MMS22L: variants seen among roughly 807,000 people sequenced by gnomAD.
MMS22L encodes the protein protein MMS22-like.
In MMS22L, 74 loss-of-function variants were observed where a neutral mutation model predicts 159.1. That is an observed-to-expected ratio of 0.47 (90% CI 0.39 to 0.56). The LOEUF is 0.56. MMS22L is among the 20% of genes least tolerant of loss of function. The probability of loss-of-function intolerance (pLI) is 0.00; values close to 1 mark genes in which losing one functional copy is unlikely to be tolerated. For synonymous variants in MMS22L, 517 were observed against 506.9 expected (o/e 1.02, Z -0.27); for missense variants, 1,351 against 1,422.1 (o/e 0.95, Z 0.80).
At chr6:97,160,206 T>G (rs1802298645) in intron 22 of MMS22L, among the ~76,000 whole-genome samples, 1 of 152,026 alleles carries the variant, frequency 6.6e-6, no homozygotes, top group Admixed American at 6.6e-5. Flanking sequence ...AGAATTCTTT[T>G]GTGTGTTATG....
chr6:97,217,493 G>A (rs1809148185), intron 14 of MMS22L, among the ~76,000 whole-genome samples: 1 of 152,112 alleles, frequency 6.6e-6, no homozygotes, highest in Non-Finnish European at 1.5e-5. Context: ...GACCTCAGGT[G>A]ATCTGCCTGC....
intron 14 of MMS22L, among the ~76,000 whole-genome samples, chr6:97,189,759 C>T (rs1403747728): frequency 6.6e-6 from 1 of 151,944 alleles, no homozygotes; most frequent in African/African-American, 2.4e-5. Flanking sequence ...ATTTGAAAAG[C>T]AGCTAATATC....
intron 11 of MMS22L, among the ~76,000 whole-genome samples, chr6:97,238,572 CGTGTGTGTGT>C (rs71740630): frequency 6.6e-5 from 6 of 91,536 alleles, no homozygotes; most frequent in Non-Finnish European, 1.4e-4. Context: ...TGTCTCATCT[CGTGTGTGTGT>C]GTGTGTGTGT....
rs1447468395 is a variant in MMS22L, at chr6:97,244,447, G to GGGA, written c.1182+2180_1182+2181insTCC. Among the ~76,000 whole-genome samples the GGGA allele has an allele frequency of 2.6e-5, 4 of 152,284 alleles. No individual in the cohort carries two copies. In the East Asian group the frequency reaches 7.7e-4, roughly 29 times the overall value. ...ATTGATCCTGGGTGTGTCTGTGAGG[G>GGGA]TGCTGCCAAAGCAGATTAACATTTG... On this transcript the variant is annotated intron_variant, in intron 11 of 24. Transcript: ENST00000683635.
chr6:97,165,182 C>T, intron 21 of MMS22L, 64 bp downstream of exon 21: 1 of 1,459,796 alleles, frequency 6.9e-7, no homozygotes, highest in East Asian at 2.3e-5. Flanking sequence ...TGAAATGCCA[C>T]TTTATCACTT....
intron 14 of MMS22L, among the ~76,000 whole-genome samples, chr6:97,205,323 T>C (rs1363541066): frequency 6.6e-6 from 1 of 152,086 alleles, no homozygotes; most frequent in East Asian, 1.9e-4. Flanking sequence ...TGCCTACAGA[T>C]GCAATGTCTA....
At chr6:97,207,711 G>A (rs948689889) in intron 14 of MMS22L, among the ~76,000 whole-genome samples, 1 of 152,142 alleles carries the variant, frequency 6.6e-6, no homozygotes, top group African/African-American at 2.4e-5. Flanking sequence ...CTTAACTGAA[G>A]AGACAACAAA....
chr6:97,276,478 T>A (rs963378940), intron 4 of MMS22L, among the ~76,000 whole-genome samples: 5 of 152,164 alleles, frequency 3.3e-5, no homozygotes, highest in African/African-American at 1.2e-4. Flanking sequence ...TCCACTATAA[T>A]CTTTTAGTGG....
chr6:97,232,635 C>T (rs1287261695), intron 12 of MMS22L, among the ~76,000 whole-genome samples: 1 of 152,002 alleles, frequency 6.6e-6, no homozygotes, highest in African/African-American at 2.4e-5. Context: ...AATTTGATAC[C>T]TTTCCTGCTT....
intron 14 of MMS22L, among the ~76,000 whole-genome samples, chr6:97,213,645 T>G (rs570338376): frequency 2.9e-4 from 44 of 152,276 alleles, no homozygotes; most frequent in Admixed American, 2.3e-3. Flanking sequence ...TTTACATTCT[T>G]TGCAAGATAC....
intron 9 of MMS22L, 58 bp from the exon 10 acceptor site, chr6:97,254,791 G>A (rs368301884): frequency 2.9e-6 from 4 of 1,391,246 alleles, no homozygotes; most frequent in Non-Finnish European, 3.8e-6. Flanking sequence ...CTTTGATTTC[G>A]TGGTTTTTCT....
chr6:97,171,475 T>C (rs1477879651), intron 19 of MMS22L, among the ~76,000 whole-genome samples: 2 of 152,112 alleles, frequency 1.3e-5, no homozygotes, highest in Non-Finnish European at 1.5e-5. Flanking sequence ...ACAGGGATGA[T>C]TGAAAGCTTT....
intron 14 of MMS22L, among the ~76,000 whole-genome samples, chr6:97,211,795 A>G (rs1359143737): frequency 6.6e-6 from 1 of 152,168 alleles, no homozygotes; most frequent in Non-Finnish European, 1.5e-5. Context: ...AAGACCTTAA[A>G]TATGTGTACA....
rs1380560840 is a variant in MMS22L at position 97,142,331 on chromosome 6, G to A, written c.*4475C>T. The A allele has an allele frequency of 3.9e-5, 6 of 152,338 alleles. No homozygotes were observed. The highest frequency in any genetic ancestry group is 1.4e-4 in the African/African-American group (6 of 41,404). The allele number at this position is 152,338 out of a possible 1,614,324, so 9.4% of individuals were successfully genotyped here. ...CAAAAATTTTAATAAGTATAAACTG[G>A]TCAATTCCAACCATTTGGTAATTTA... On this transcript the variant is annotated 3_prime_UTR_variant, in exon 25 of 25. Transcript: ENST00000683635.
At chr6:97,157,611 T>C (rs1349316655) in intron 22 of MMS22L, among the ~76,000 whole-genome samples, 1 of 152,184 alleles carries the variant, frequency 6.6e-6, no homozygotes, top group Non-Finnish European at 1.5e-5. Context: ...GTTTATGTGA[T>C]GGATTATGTT....
chr6:97,172,067 A>G (rs987747807), intron 19 of MMS22L, among the ~76,000 whole-genome samples: 1 of 152,214 alleles, frequency 6.6e-6, no homozygotes, highest in South Asian at 2.1e-4. Context: ...TCCCATGTCT[A>G]TATCAGACAT....
intron 10 of MMS22L, among the ~76,000 whole-genome samples, chr6:97,250,791 A>C (rs531963707): frequency 1.4e-4 from 22 of 152,278 alleles, no homozygotes; most frequent in Middle Eastern, 3.4e-3. Context: ...ACGTTTAAAA[A>C]CTGAAACATC....
intron 15 of MMS22L, among the ~76,000 whole-genome samples, chr6:97,183,180 A>G (rs1319567097): frequency 1.3e-5 from 2 of 151,996 alleles, no homozygotes; most frequent in African/African-American, 4.8e-5. Context: ...CAACTCCAAC[A>G]ATTCTTTGAT....
intron 9 of MMS22L, chr6:97,260,419 T>G (rs931764147): frequency 6.6e-6 from 1 of 152,224 alleles, no homozygotes; most frequent in Non-Finnish European, 1.5e-5. Context: ...TATTAAATTT[T>G]CATTTAAGTC....
Sources: allele counts gnomAD v4.1 joint callset (sites outside exome capture counted in the v4.1 genomes callset), GRCh38; gene constraint gnomAD v4.1.1; transcripts MANE v1.5; gene names NCBI Gene and HGNC (gene_info 2026-07-23, HGNC 2026-07-21).